The following CCDC39 variants were observed in gnomAD, a reference collection of about 807,000 sequenced individuals.
CCDC39 encodes coiled-coil domain 39 molecular ruler complex subunit, also known as coiled-coil domain-containing protein 39.
A neutral mutation model predicts 121.0 loss-of-function variants in CCDC39; 113 were observed. The observed-to-expected ratio is 0.93, with a 90% CI of 0.80 to 1.09. CCDC39 has a LOEUF of 1.09. CCDC39 is among the 50% of genes least tolerant of loss of function. The pLI is 0.00. For synonymous variants in CCDC39, 349 were observed against 352.2 expected (o/e 0.99, Z 0.10); for missense variants, 1,063 against 1,074.7 (o/e 0.99, Z 0.15).
intron 19 of CCDC39, among the ~76,000 whole-genome samples, chr3:180,615,345 G>GT (rs1478719142): frequency 3.0e-4 from 46 of 152,044 alleles, no homozygotes; most frequent in Admixed American, 3.0e-3. Context: ...ACTATAATCA[G>GT]TTTTTTAGAG....
intron 1 of CCDC39, among the ~76,000 whole-genome samples, chr3:180,665,926 G>T (rs139939411): frequency 6.6e-6 from 1 of 151,928 alleles, no homozygotes; most frequent in South Asian, 2.1e-4. Context: ...ATGTTTGTTT[G>T]TACAGCATTT....
At chr3:180,620,030 A>G in intron 14 of CCDC39, 60 bp from the exon 15 acceptor site, 1 of 1,332,736 alleles carries the variant, frequency 7.5e-7, no homozygotes, top group Non-Finnish European at 1.0e-6. Context: ...AGAAATGCCT[A>G]ATGGCTGTCT....
At chr3:180,637,394 C>T (rs1249911605) in intron 13 of CCDC39, among the ~76,000 whole-genome samples, 1 of 152,010 alleles carries the variant, frequency 6.6e-6, no homozygotes, top group Non-Finnish European at 1.5e-5. Context: ...GTCAGAATGG[C>T]TGCCATTAAA....
In CCDC39 at chr3:180,616,548, T is replaced by A; in HGVS notation, c.2554A>T (p.Ile852Phe). 6.3e-7 allele frequency: 1 copy of A among 1,588,814 alleles called. No homozygotes were observed. Among genetic ancestry groups the A allele is most frequent in the Non-Finnish European group, 8.6e-7 (1 of 1,167,422 alleles). ...AAGTATGTTTGAAGGATAATACGGA[T>A]CTCAGTATTTTCTTCTATGATATCA... ...LVDIIEENTE[I>F]RIILQTYFQQ... The change falls in exon 18 of 20, where the codon ATC (isoleucine) becomes TTC (phenylalanine). Residue 852 changes from isoleucine to phenylalanine, a missense_variant. Ile to Phe is a conservative substitution (Grantham distance 21). Transcript: ENST00000476379.
intron 14 of CCDC39, among the ~76,000 whole-genome samples, chr3:180,621,701 G>A (rs1717436836): frequency 6.6e-6 from 1 of 151,912 alleles, no homozygotes; most frequent in Non-Finnish European, 1.5e-5. Flanking sequence ...ACTTTCCCCA[G>A]TGTATGTTCT....
At position 180,631,547 on chromosome 3, in the gene CCDC39, A is replaced by C; in HGVS notation, c.1920T>G (p.Asn640Lys). The part of the protein sequence containing the change: ...ERLSKIEKLK[N>K]RYEILTVVML... ...TAACAACAGTCAGAATTTCATATCT[A>C]TTCTTCAGCTTCTCAATTTTACTTA... Residue 640 changes from asparagine to lysine, a missense_variant, in exon 14 of 20, where the codon AAT becomes AAG. Transcript: ENST00000476379. 6.2e-7 allele frequency: 1 copy of C among 1,609,386 alleles called. No individual in the cohort carries two copies. Among genetic ancestry groups the C allele is most frequent in the Non-Finnish European group, 8.5e-7 (1 of 1,179,142 alleles).
intron 6 of CCDC39, among the ~76,000 whole-genome samples, chr3:180,657,221 G>A (rs1287385307): frequency 6.6e-6 from 1 of 152,134 alleles, no homozygotes; most frequent in East Asian, 1.9e-4. Flanking sequence ...TATAGCAGTT[G>A]TCAAACACTT....
chr3:180,635,121 G>A (rs1717793906), intron 13 of CCDC39, among the ~76,000 whole-genome samples: 1 of 152,168 alleles, frequency 6.6e-6, no homozygotes, highest in Non-Finnish European at 1.5e-5. Flanking sequence ...ATCTTTACAA[G>A]GCAGCAGGAG....
At chr3:180,671,803 A>G (rs968403572) in intron 1 of CCDC39, among the ~76,000 whole-genome samples, 5 of 152,224 alleles carry the variant, frequency 3.3e-5, no homozygotes, top group Admixed American at 6.5e-5. Context: ...AAGCTGCAGA[A>G]GAAAAGTTTA....
chr3:180,651,689 T>C (rs1178143079), intron 8 of CCDC39, among the ~76,000 whole-genome samples, 156 bp from the exon 9 acceptor site: 2 of 152,190 alleles, frequency 1.3e-5, no homozygotes, highest in Non-Finnish European at 2.9e-5. Flanking sequence ...ACCATAAAAA[T>C]ATGGCTTCTG....
At position 180,616,500 on chromosome 3, in the gene CCDC39, G is replaced by A; in HGVS notation, c.2586+16C>T. ...TGAAGTTTTTAAGAAATATTTAATA[G>A]AAGGTGCTGTATTACCTGTTGAAAG... On this transcript the variant is annotated intron_variant, in intron 18 of 19. Coordinates refer to ENST00000476379, the MANE Select transcript of CCDC39 (RefSeq NM_181426.2). 6.6e-7 allele frequency: 1 copy of A among 1,514,986 alleles called. No homozygotes were observed. The highest frequency in any genetic ancestry group is 1.3e-5 in the South Asian group (1 of 74,322). The allele number at this position is 1,514,986 out of a possible 1,614,324, so 93.8% of individuals were successfully genotyped here. A position where few individuals can be genotyped will look rare whatever the true frequency, so the allele number is the denominator to read the frequency against.
chr3:180,672,350 T>C (rs1712072743), intron 1 of CCDC39, among the ~76,000 whole-genome samples: 1 of 152,168 alleles, frequency 6.6e-6, no homozygotes. Context: ...TCCCAGCACT[T>C]TGGGAGGCCA....
intron 14 of CCDC39, among the ~76,000 whole-genome samples, 192 bp from the exon 15 acceptor site, chr3:180,620,162 AT>A (rs1183405533): frequency 6.6e-6 from 1 of 152,020 alleles, no homozygotes; most frequent in African/African-American, 2.4e-5. Context: ...GGCCTTCAAA[AT>A]ATGGCACATA....
intron 1 of CCDC39, among the ~76,000 whole-genome samples, chr3:180,675,870 A>C (rs1391448757): frequency 1.3e-5 from 2 of 151,300 alleles, no homozygotes; most frequent in Non-Finnish European, 2.9e-5. Flanking sequence ...TCTTTGACAA[A>C]CCTGACAAAA....
chr3:180,667,945 A>G (rs1411515235), intron 1 of CCDC39, among the ~76,000 whole-genome samples: 1 of 152,218 alleles, frequency 6.6e-6, no homozygotes, highest in Non-Finnish European at 1.5e-5. Context: ...GGATGGGTCT[A>G]GACTCCAGAG....
intron 11 of CCDC39, among the ~76,000 whole-genome samples, chr3:180,645,701 C>T (rs994700696): frequency 6.6e-6 from 1 of 152,112 alleles, no homozygotes; most frequent in Non-Finnish European, 1.5e-5. Flanking sequence ...GATGACTTTA[C>T]AATCTGTTGC....
intron 14 of CCDC39, among the ~76,000 whole-genome samples, chr3:180,624,056 T>G (rs1200795218): frequency 6.6e-6 from 1 of 152,106 alleles, no homozygotes; most frequent in Non-Finnish European, 1.5e-5. Flanking sequence ...GTCTTGCTCT[T>G]TCTTTATTTC....
At chr3:180,658,339 T>TA (rs1293248586) in intron 6 of CCDC39, among the ~76,000 whole-genome samples, 1 of 150,904 alleles carries the variant, frequency 6.6e-6, no homozygotes, top group Non-Finnish European at 1.5e-5. Flanking sequence ...CTCATGTCTG[T>TA]AATCCCAGCA....
chr3:180,659,602 A>T (rs1334653903), intron 5 of CCDC39, 22 bp from the exon 6 acceptor site: 1 of 1,607,416 alleles, frequency 6.2e-7, no homozygotes, highest in Admixed American at 1.7e-5. Flanking sequence ...AGAGCAAAGA[A>T]CATTTCTGTG....
Sources: allele counts gnomAD v4.1 joint callset (sites outside exome capture counted in the v4.1 genomes callset), GRCh38; gene constraint gnomAD v4.1.1; transcripts MANE v1.5; gene names NCBI Gene and HGNC (gene_info 2026-07-23, HGNC 2026-07-21).